Variants in FSHR observed in about 807,000 individuals in gnomAD.
The protein encoded by FSHR is follicle-stimulating hormone receptor.
Under a neutral mutation model 52.1 loss-of-function variants are expected in FSHR, and 46 were observed. The ratio of observed to expected loss-of-function variants is 0.88; its 90% CI spans 0.70 to 1.13. FSHR has a LOEUF of 1.13. FSHR is among the 50% of genes most tolerant of loss of function. FSHR has a pLI of 0.00. For missense variants in FSHR, 964 were observed against 834.6 expected (o/e 1.16, Z -1.91); for synonymous variants, 399 against 309.6 (o/e 1.29, Z -3.03).
intron 4 of FSHR, among the ~76,000 whole-genome samples, chr2:49,016,851 T>G (rs538903650): frequency 6.6e-6 from 1 of 152,142 alleles, no homozygotes; most frequent in Non-Finnish European, 1.5e-5. Flanking sequence ...AGCTGGTAAA[T>G]GAACCCAGAA....
At chr2:48,997,953 C>A (rs999050888) in intron 4 of FSHR, among the ~76,000 whole-genome samples, 2 of 152,096 alleles carry the variant, frequency 1.3e-5, no homozygotes, top group Non-Finnish European at 2.9e-5. Flanking sequence ...CTCTAATTGC[C>A]TTCTGCTTCC....
At chr2:49,105,523 G>T (rs757654350) in intron 1 of FSHR, among the ~76,000 whole-genome samples, 13 of 152,120 alleles carry the variant, frequency 8.5e-5, no homozygotes, top group South Asian at 2.1e-4. Context: ...GAGTCGTGAG[G>T]CTGGGCAAAA....
chr2:48,984,068 G>A (rs1675377948), intron 6 of FSHR, among the ~76,000 whole-genome samples: 1 of 152,066 alleles, frequency 6.6e-6, no homozygotes, highest in African/African-American at 2.4e-5. Context: ...CAGCTTAGTG[G>A]GCTTGCAAAT....
chr2:49,032,021 TG>T (rs1668117129), intron 2 of FSHR, among the ~76,000 whole-genome samples: 1 of 152,170 alleles, frequency 6.6e-6, no homozygotes, highest in Non-Finnish European at 1.5e-5. Context: ...AAATGTGTGT[TG>T]AATGAACAAG....
intron 1 of FSHR, among the ~76,000 whole-genome samples, chr2:49,145,426 G>T (rs1320332459): frequency 1.3e-5 from 2 of 152,010 alleles, no homozygotes; most frequent in African/African-American, 4.8e-5. Context: ...TATTTTGGAA[G>T]TGGCCCTATA....
intron 1 of FSHR, among the ~76,000 whole-genome samples, chr2:49,101,250 A>G (rs1346781062): frequency 6.6e-6 from 1 of 152,154 alleles, no homozygotes; most frequent in Non-Finnish European, 1.5e-5. Flanking sequence ...AAAGTCAAAG[A>G]AAAACTTTAT....
In FSHR at chr2:48,963,467, C is replaced by T; in HGVS notation, c.1354G>A (p.Ala452Thr). 1 of 1,614,162 alleles carries T rather than the reference C, an allele frequency of 6.2e-7. No homozygotes were observed. Among genetic ancestry groups the T allele is most frequent in the Non-Finnish European group, 8.5e-7 (1 of 1,180,014 alleles). ...AGAGTGTAGACTGACAGCTCACTGG[C>T]AAAGACAGTGAAAAAGCCAGCAGCA... ...CDAAGFFTVF[A>T]SELSVYTLTA... The change falls in exon 10 of 10, where the codon GCC becomes ACC. Residue 452 changes from alanine to threonine, a missense_variant. Physicochemically the swap from Ala to Thr is moderately conservative, Grantham distance 58. Transcript: ENST00000406846.
At chr2:49,007,442 A>T (rs997279284) in intron 4 of FSHR, among the ~76,000 whole-genome samples, 1 of 152,146 alleles carries the variant, frequency 6.6e-6, no homozygotes, top group Admixed American at 6.6e-5. Context: ...TTGTGTAAAA[A>T]ACTGGAATTA....
intron 1 of FSHR, among the ~76,000 whole-genome samples, chr2:49,088,010 A>G (rs1670463950): frequency 6.6e-6 from 1 of 152,214 alleles, no homozygotes; most frequent in South Asian, 2.1e-4. Flanking sequence ...TATCTAATAT[A>G]ATCTTCAAAA....
In FSHR at chr2:49,037,602, A is replaced by T. The variant is rs537901186; in HGVS notation, c.225-17442T>A. Among the ~76,000 whole-genome samples the T allele has an allele frequency of 3.3e-5, 5 of 152,298 alleles. No homozygotes were observed. The East Asian group carries it at 5.8e-4, about 18-fold the overall frequency. On this transcript the variant is annotated intron_variant, in intron 2 of 9. Coordinates refer to ENST00000406846, the MANE Select transcript of FSHR (RefSeq NM_000145.4). ...GAAAATTTGAAGAAGAACAGATTTTAAAAAAATGGAAAATACTAATACACG... is the reference window on the plus strand; with the variant it reads ...GAAAATTTGAAGAAGAACAGATTTTTAAAAAATGGAAAATACTAATACACG...
At chr2:49,082,393 G>A (rs1166030635) in intron 1 of FSHR, among the ~76,000 whole-genome samples, 6 of 152,138 alleles carry the variant, frequency 3.9e-5, no homozygotes, top group Non-Finnish European at 8.8e-5. Flanking sequence ...ACAAAGATGG[G>A]GAAAAAACAG....
intron 2 of FSHR, among the ~76,000 whole-genome samples, chr2:49,064,338 C>A (rs1669426371): frequency 4.1e-5 from 1 of 24,198 alleles, no homozygotes; most frequent in Admixed American, 6.3e-4. Flanking sequence ...TGGTTTAGGG[C>A]CCACACCACA....
At chr2:49,020,023 A>C in intron 3 of FSHR, 63 bp downstream of exon 3, 1 of 1,370,718 alleles carries the variant, frequency 7.3e-7, no homozygotes. Context: ...CCAGGAATGT[A>C]GAAGAACTTT....
chr2:49,145,297 T>G (rs1019524643), intron 1 of FSHR, among the ~76,000 whole-genome samples: 1 of 152,120 alleles, frequency 6.6e-6, no homozygotes, highest in East Asian at 1.9e-4. Context: ...ACTTAAATAT[T>G]TGGACACCTT....
At chr2:49,120,840 A>T (rs1306099160) in intron 1 of FSHR, among the ~76,000 whole-genome samples, 1 of 152,220 alleles carries the variant, frequency 6.6e-6, no homozygotes, top group East Asian at 1.9e-4. Flanking sequence ...CTTCTTTTCC[A>T]CTTTGCTTTC....
At chr2:49,112,564 G>T (rs184139559) in intron 1 of FSHR, among the ~76,000 whole-genome samples, 3 of 152,264 alleles carry the variant, frequency 2.0e-5, no homozygotes, top group African/African-American at 7.2e-5. Flanking sequence ...CTATAAAGAT[G>T]CATTGATAGG....
At chr2:49,013,463 AATATATATATAT>A (rs373195880) in intron 4 of FSHR, among the ~76,000 whole-genome samples, 3 of 133,280 alleles carry the variant, frequency 2.3e-5, no homozygotes, top group Non-Finnish European at 3.1e-5. Flanking sequence ...TATATATATA[AATATATATATAT>A]ATATAAATAA....
rs145043547 is a variant in FSHR, at chr2:49,073,323, C to T, written c.153-5033G>A. On this transcript the variant is annotated intron_variant, in intron 1 of 9. Coordinates refer to ENST00000406846, the MANE Select transcript of FSHR (RefSeq NM_000145.4). ...ATACAGAAGAACCTAAAGACTCTACCAACAAACTCTTAGAACTGATAAATG... is the reference window on the plus strand; with the variant it reads ...ATACAGAAGAACCTAAAGACTCTACTAACAAACTCTTAGAACTGATAAATG... 2.2e-3 allele frequency among the ~76,000 whole-genome samples: 329 copies of T among 152,096 alleles called. 4 individuals carry two copies. Among genetic ancestry groups the T allele is most frequent in the African/African-American group, 7.8e-3 (322 of 41,544 alleles).
At chr2:49,142,533 T>A (rs1166617578) in intron 1 of FSHR, among the ~76,000 whole-genome samples, 1 of 152,218 alleles carries the variant, frequency 6.6e-6, no homozygotes, top group African/African-American at 2.4e-5. Flanking sequence ...TTTTGCTCAC[T>A]CCTGACTCTC....
Sources: gnomAD v4.1 joint callset for allele counts (sites outside exome capture counted in the v4.1 genomes callset) on GRCh38, gnomAD v4.1.1 for gene constraint, MANE v1.5 for transcripts, NCBI Gene and HGNC (gene_info 2026-07-23, HGNC 2026-07-21) for gene names.